DST: variants seen among roughly 807,000 people sequenced by gnomAD.
DST encodes dystonin.
A neutral mutation model predicts 875.2 loss-of-function variants in DST; 253 were observed. The ratio of observed to expected loss-of-function variants is 0.29; its 90% confidence interval spans 0.26 to 0.32. The LOEUF is 0.32. Among genes scored for constraint, DST ranks in the 10% least tolerant of loss-of-function variants. The pLI is 1.00. For synonymous variants in DST, 3,124 were observed against 3,197.1 expected (o/e 0.98, Z 0.77); for missense variants, 8,287 against 9,111.6 (o/e 0.91, Z 3.68).
chr6:56,545,919 T>C (rs1464638824), intron 61 of DST, among the ~76,000 whole-genome samples: 1 of 152,252 alleles, frequency 6.6e-6, no homozygotes, highest in East Asian at 1.9e-4. Context: ...CTAAAACAAA[T>C]AAGCCATTAG....
intron 55 of DST, among the ~76,000 whole-genome samples, chr6:56,565,258 CTA>C (rs1585051324): frequency 6.6e-6 from 1 of 151,644 alleles, no homozygotes; most frequent in East Asian, 1.9e-4. Context: ...GTAGCTGGGA[CTA>C]CAGGCACCCA....
intron 4 of DST, among the ~76,000 whole-genome samples, chr6:56,755,020 T>A (rs2099598102): frequency 1.3e-5 from 2 of 151,566 alleles, no homozygotes; most frequent in Admixed American, 1.3e-4. Flanking sequence ...TTTTTTCAGC[T>A]CCGAAGTACA....
At chr6:56,740,846 T>A (rs992726721) in intron 4 of DST, among the ~76,000 whole-genome samples, 3 of 152,112 alleles carry the variant, frequency 2.0e-5, no homozygotes, top group Non-Finnish European at 2.9e-5. Context: ...CTAGGTAATA[T>A]CCATATTATT....
rs1330944143 is a variant in DST, at chr6:56,482,715, T to G, written c.21370A>C (p.Lys7124Gln). Residue 7124 changes from lysine to glutamine, a missense_variant, in exon 89 of 104, where the codon AAG becomes CAG. Physicochemically the swap from Lys to Gln is moderately conservative, Grantham distance 53. Around this residue, in one of 10 missense-constraint regions of DST, gnomAD observed 1,292 missense variants for 1,552.7 expected, o/e 0.83. Coordinates refer to ENST00000680361, the MANE Select transcript of DST (RefSeq NM_001374736.1). The stretch of plus-strand genomic sequence containing the variant: ...AGGGCTGCTTCTAACCGTGTTTGCT[T>G]TGATATAGAAAGTGCACACACGGTC... The part of the protein sequence containing the change: ...WETVCALSIS[K>Q]QTRLEAALRQ... 1 of 1,613,836 alleles carries G rather than the reference T, an allele frequency of 6.2e-7. No individual in the cohort carries two copies. Among genetic ancestry groups the G allele is most frequent in the Non-Finnish European group, 8.5e-7 (1 of 1,179,790 alleles).
At chr6:56,812,110 A>AAAAGAAAAGAAAAGAAAAGAAAAGG (rs1561961217) in intron 4 of DST, among the ~76,000 whole-genome samples, 11 of 59,276 alleles carry the variant, frequency 1.9e-4, no homozygotes, top group Middle Eastern at 0.014. Context: ...TCAAAAAAAA[A>AAAAGAAAAGAAAAGAAAAGAAAAGG]AAAGAAAAGA....
At chr6:56,777,421 T>C (rs899532289) in intron 4 of DST, among the ~76,000 whole-genome samples, 4 of 152,036 alleles carry the variant, frequency 2.6e-5, no homozygotes, top group African/African-American at 9.7e-5. Context: ...GTCCCATAAT[T>C]GAAGACTTAC....
intron 4 of DST, among the ~76,000 whole-genome samples, chr6:56,765,764 A>T (rs1211011046): frequency 6.6e-6 from 1 of 152,246 alleles, no homozygotes; most frequent in African/African-American, 2.4e-5. Context: ...GATTTTACTC[A>T]GACTTCAGTT....
chr6:56,768,729 G>T (rs2099641178), intron 4 of DST, among the ~76,000 whole-genome samples: 1 of 152,124 alleles, frequency 6.6e-6, no homozygotes, highest in African/African-American at 2.4e-5. Context: ...CTCTGCAAAA[G>T]ACACTGTTAA....
At chr6:56,852,400 C>T (rs1439369982) in intron 3 of DST, among the ~76,000 whole-genome samples, 2 of 152,370 alleles carry the variant, frequency 1.3e-5, no homozygotes, top group Middle Eastern at 3.4e-3. Flanking sequence ...GGAAACAGAG[C>T]TCTTCTCAGC....
chr6:56,713,557 A>C (rs974175829), intron 5 of DST, among the ~76,000 whole-genome samples: 2 of 152,216 alleles, frequency 1.3e-5, no homozygotes, highest in South Asian at 2.1e-4. Context: ...CTCGAGAGGA[A>C]GCAAGGTCCT....
At chr6:56,650,736 T>C (rs1297118206) in intron 12 of DST, among the ~76,000 whole-genome samples, 190 bp downstream of exon 12, 1 of 152,210 alleles carries the variant, frequency 6.6e-6, no homozygotes, top group Non-Finnish European at 1.5e-5. Context: ...TTTTAATGAG[T>C]TATACTTTAA....
At chr6:56,677,323 T>C (rs2099135961) in intron 9 of DST, among the ~76,000 whole-genome samples, 1 of 152,072 alleles carries the variant, frequency 6.6e-6, no homozygotes, top group Admixed American at 6.6e-5. Flanking sequence ...TCCATCTATC[T>C]ATCCATCTAT....
intron 47 of DST, 49 bp downstream of exon 47, chr6:56,597,691 C>T (rs1372587454): frequency 1.3e-6 from 2 of 1,559,198 alleles, no homozygotes; most frequent in East Asian, 2.3e-5. Context: ...TCTCTCTTTA[C>T]CAACCTGGAA....
At chr6:56,870,431 C>CA (rs34119606) in intron 3 of DST, among the ~76,000 whole-genome samples, 2,076 of 50,502 alleles carry the variant, frequency 0.041, 72 homozygotes, top group African/African-American at 0.098. Flanking sequence ...CTTGCAACTG[C>CA]AAAAAAAAAA....
chr6:56,589,117 C>A (rs1433663622), intron 49 of DST, among the ~76,000 whole-genome samples: 1 of 152,126 alleles, frequency 6.6e-6, no homozygotes, highest in East Asian at 1.9e-4. Context: ...TTTGTGCCTT[C>A]ATGAAACTCA....
At chr6:56,655,992 G>C (rs1177179575) in intron 10 of DST, among the ~76,000 whole-genome samples, 1 of 152,164 alleles carries the variant, frequency 6.6e-6, no homozygotes, top group African/African-American at 2.4e-5. Flanking sequence ...ATTAACTTTT[G>C]AGGATTAAAT....
At position 56,800,449 on chromosome 6, in the gene DST, T is replaced by G. The variant is rs143673128; in HGVS notation, c.625+50948A>C. Among the ~76,000 whole-genome samples, 517 of 152,316 alleles carry G rather than the reference T, an allele frequency of 3.4e-3. 4 individuals are homozygous for G. Among genetic ancestry groups the G allele is most frequent in the African/African-American group, 0.012 (502 of 41,566 alleles). The stretch of plus-strand genomic sequence containing the variant: ...CATTATAATACTGATAAGCATTTAG[T>G]TTGTTTCTGAAGTTTCTCTATGAAA... On this transcript the variant is annotated intron_variant, in intron 4 of 103. Transcript: ENST00000680361.
At chr6:56,666,142 G>C (rs142003523) in intron 10 of DST, among the ~76,000 whole-genome samples, 323 of 152,028 alleles carry the variant, frequency 2.1e-3, no homozygotes, top group African/African-American at 7.3e-3. Context: ...AAAATTTTAG[G>C]ATACTGAATT....
At chr6:56,710,140 A>G (rs1386656300) in intron 5 of DST, among the ~76,000 whole-genome samples, 1 of 152,176 alleles carries the variant, frequency 6.6e-6, no homozygotes, top group Non-Finnish European at 1.5e-5. Context: ...AAACAAATCA[A>G]TCACAGGTAA....
Sources: allele counts gnomAD v4.1 joint callset (sites outside exome capture counted in the v4.1 genomes callset), GRCh38; gene constraint gnomAD v4.1.1; regional missense constraint gnomAD v4.1.1; transcripts MANE v1.5; gene names NCBI Gene and HGNC (gene_info 2026-07-23, HGNC 2026-07-21).